FER: variants seen among roughly 807,000 people sequenced by gnomAD.
FER encodes the protein FER tyrosine kinase, also known as tyrosine-protein kinase Fer.
Under a neutral mutation model 111.0 loss-of-function variants are expected in FER, and 63 were observed. That is an observed-to-expected ratio of 0.57 (90% CI 0.46 to 0.70). The LOEUF is 0.70. Among genes scored for constraint, FER ranks in the 30% least tolerant of loss-of-function variants. The pLI, the probability that FER is intolerant of heterozygous loss-of-function variation, is 0.00. For synonymous variants in FER, 327 were observed against 313.9 expected, an observed-to-expected ratio of 1.04 and a Z score of -0.44; for missense variants, 914 against 954.0, an observed-to-expected ratio of 0.96 and a Z score of 0.55.
Position 108,954,756 on chromosome 5 carries a change from A to G in FER, c.1357A>G (p.Lys453Glu), listed in dbSNP as rs775670441. 1 of 1,606,316 alleles carries G rather than the reference A, an allele frequency of 6.2e-7. No homozygotes were observed. Among genetic ancestry groups the G allele is most frequent in the Non-Finnish European group, 8.5e-7 (1 of 1,175,966 alleles). ...TTCTGATATGATCTCCATCAGTGAG[A>G]AGCCTTTGGCAGAACAGGACTGGTA... ...ALSDMISISE[K>E]PLAEQDWYHG... The change falls in exon 12 of 20, where the codon AAG (lysine) becomes GAG (glutamate). Residue 453 changes from lysine to glutamate, a missense_variant. By Grantham distance (56) the Lys-to-Glu change is moderately conservative (BLOSUM62 1). Transcript: ENST00000281092.
At chr5:108,808,635 A>G (rs1757439263) in intron 3 of FER, among the ~76,000 whole-genome samples, 1 of 151,920 alleles carries the variant, frequency 6.6e-6, no homozygotes, top group African/African-American at 2.4e-5. Context: ...TTTTGATCCT[A>G]TTGTGAAGTC....
intron 19 of FER, among the ~76,000 whole-genome samples, chr5:109,186,721 C>T (rs2126886742): frequency 6.6e-6 from 1 of 152,302 alleles, no homozygotes; most frequent in South Asian, 2.1e-4. Flanking sequence ...AACATTGTAG[C>T]ACTTCTGAAG....
chr5:109,014,081 G>A (rs1766692720), intron 13 of FER, among the ~76,000 whole-genome samples: 1 of 150,134 alleles, frequency 6.7e-6, no homozygotes, highest in African/African-American at 2.5e-5. Flanking sequence ...AAGCTCTTTA[G>A]TTTAATTAGA....
intron 9 of FER, among the ~76,000 whole-genome samples, chr5:108,886,980 A>G (rs1415181585): frequency 6.6e-6 from 1 of 151,646 alleles, no homozygotes; most frequent in African/African-American, 2.4e-5. Context: ...TTTCTTGAAT[A>G]TTTCCTTTTA....
intron 13 of FER, among the ~76,000 whole-genome samples, chr5:109,030,187 T>G (rs977946919): frequency 4.6e-5 from 7 of 152,316 alleles, no homozygotes; most frequent in Non-Finnish European, 1.0e-4. Flanking sequence ...AACTTCTGTT[T>G]CTATGGCTGA....
intron 3 of FER, among the ~76,000 whole-genome samples, chr5:108,802,812 G>A (rs1329644173): frequency 6.6e-6 from 1 of 152,002 alleles, no homozygotes; most frequent in Non-Finnish European, 1.5e-5. Context: ...AACAGAAACA[G>A]GTGTCTGTTT....
At chr5:109,155,810 T>A (rs918613737) in intron 17 of FER, among the ~76,000 whole-genome samples, 2 of 151,924 alleles carry the variant, frequency 1.3e-5, no homozygotes, top group African/African-American at 4.8e-5. Context: ...AACATTTCTT[T>A]CTCTTCATTT....
chr5:108,898,448 T>C (rs1335122188), intron 10 of FER, among the ~76,000 whole-genome samples: 6 of 151,716 alleles, frequency 4.0e-5, no homozygotes, highest in Non-Finnish European at 1.5e-5. Flanking sequence ...TTCTCTTCTT[T>C]GCTCCCCTCT....
chr5:109,076,263 G>C, intron 16 of FER, among the ~76,000 whole-genome samples: 1 of 151,994 alleles, frequency 6.6e-6, no homozygotes, highest in East Asian at 1.9e-4. Flanking sequence ...CTATTATGTA[G>C]CAACATTACT....
intron 17 of FER, among the ~76,000 whole-genome samples, chr5:109,110,490 A>G (rs1036048111): frequency 1.3e-5 from 2 of 152,146 alleles, no homozygotes; most frequent in Non-Finnish European, 2.9e-5. Context: ...CAGCAAGGTC[A>G]GAAAATTAGG....
intron 2 of FER, chr5:108,785,663 T>C: frequency 3.0e-6 from 1 of 337,974 alleles, no homozygotes; most frequent in Admixed American, 3.8e-5. Context: ...CTGTTTGTTT[T>C]TGTTGAGGTT....
intron 13 of FER, among the ~76,000 whole-genome samples, chr5:109,035,017 A>C (rs1295308975): frequency 6.6e-6 from 1 of 151,166 alleles, no homozygotes; most frequent in Non-Finnish European, 1.5e-5. Flanking sequence ...GTTCAATGAA[A>C]CACCAAGAAA....
intron 17 of FER, among the ~76,000 whole-genome samples, chr5:109,119,657 G>T (rs1033051289): frequency 3.9e-5 from 6 of 152,104 alleles, no homozygotes; most frequent in Non-Finnish European, 8.8e-5. Context: ...TCTCTTTGTA[G>T]GTCTCTAAGG....
intron 16 of FER, among the ~76,000 whole-genome samples, chr5:109,049,005 T>A (rs1347837083): frequency 6.6e-6 from 1 of 152,228 alleles, no homozygotes; most frequent in Non-Finnish European, 1.5e-5. Flanking sequence ...TTTATTTTTA[T>A]TATTTGTTTT....
chr5:109,022,004 A>C (rs1325300304), intron 13 of FER, among the ~76,000 whole-genome samples: 1 of 152,084 alleles, frequency 6.6e-6, no homozygotes, highest in Non-Finnish European at 1.5e-5. Flanking sequence ...AAAGGAAACA[A>C]GCAAAGTAAT....
intron 2 of FER, chr5:108,785,008 C>G: frequency 3.5e-6 from 1 of 286,990 alleles, no homozygotes; most frequent in East Asian, 7.7e-5. Flanking sequence ...TTCCCAACAC[C>G]TGGGTGTATG....
chr5:109,063,077 A>G (rs1340085959), intron 16 of FER, among the ~76,000 whole-genome samples: 2 of 151,956 alleles, frequency 1.3e-5, no homozygotes, highest in African/African-American at 2.4e-5. Flanking sequence ...TAGAAATTTT[A>G]GGCTTAGAAA....
At chr5:108,845,021 T>TACAC (rs1476025273) in intron 5 of FER, among the ~76,000 whole-genome samples, 1 of 52,730 alleles carries the variant, frequency 1.9e-5, no homozygotes, top group African/African-American at 6.5e-5. Context: ...TATATATATA[T>TACAC]ATATATATAT....
chr5:108,837,992 GTTAC>G (rs1376956395), intron 5 of FER, among the ~76,000 whole-genome samples: 2 of 151,940 alleles, frequency 1.3e-5, no homozygotes, highest in Non-Finnish European at 2.9e-5. Flanking sequence ...AGAATATATA[GTTAC>G]TTTTAAAATA....
Sources: gnomAD v4.1 joint callset for allele counts (sites outside exome capture counted in the v4.1 genomes callset) on GRCh38, gnomAD v4.1.1 for gene constraint, MANE v1.5 for transcripts, NCBI Gene and HGNC (gene_info 2026-07-23, HGNC 2026-07-21) for gene names.